MNAT1: variants seen among roughly 807,000 people sequenced by gnomAD.
MNAT1 encodes the protein MNAT1 component of CDK activating kinase.
MNAT1 carries 43 observed loss-of-function variants against 42.0 expected under a neutral mutation model. The ratio of observed to expected loss-of-function variants is 1.02; its 90% CI spans 0.80 to 1.32. MNAT1 has a LOEUF of 1.32. MNAT1 is among the 40% of genes most tolerant of loss of function. MNAT1 has a pLI of 0.00. For missense variants in MNAT1, 306 were observed against 350.4 expected, an observed-to-expected ratio of 0.87 and a Z score of 1.01; for synonymous variants, 118 against 120.0, an observed-to-expected ratio of 0.98 and a Z score of 0.11.
intron 7 of MNAT1, among the ~76,000 whole-genome samples, chr14:60,923,439 T>C (rs1427264760): frequency 6.6e-6 from 1 of 152,240 alleles, no homozygotes; most frequent in Non-Finnish European, 1.5e-5. Flanking sequence ...CAAAAATGCT[T>C]CTGTTACATT....
At chr14:60,742,871 ATACTAC>A in intron 1 of MNAT1, among the ~76,000 whole-genome samples, 1 of 152,360 alleles carries the variant, frequency 6.6e-6, no homozygotes, top group Middle Eastern at 3.4e-3. Flanking sequence ...TTGTATGGCT[ATACTAC>A]ATTTTATCCA....
chr14:60,907,592 C>T (rs951282034), intron 7 of MNAT1, among the ~76,000 whole-genome samples: 3 of 151,630 alleles, frequency 2.0e-5, no homozygotes, highest in African/African-American at 4.8e-5. Flanking sequence ...ACCAGCCTGA[C>T]CAGCATGGAA....
intron 1 of MNAT1, among the ~76,000 whole-genome samples, chr14:60,750,176 T>G (rs1439849055): frequency 6.6e-6 from 1 of 152,084 alleles, no homozygotes; most frequent in Non-Finnish European, 1.5e-5. Flanking sequence ...ATTACTTTTA[T>G]AGTGTCTTAG....
intron 7 of MNAT1, among the ~76,000 whole-genome samples, chr14:60,940,331 T>C (rs1452639116): frequency 6.6e-6 from 1 of 152,270 alleles, no homozygotes; most frequent in African/African-American, 2.4e-5. Context: ...CTAGCCTCGA[T>C]GGTCTTTACA....
intron 2 of MNAT1, among the ~76,000 whole-genome samples, chr14:60,797,455 A>G (rs1362247449): frequency 3.3e-5 from 5 of 152,142 alleles, no homozygotes; most frequent in African/African-American, 4.8e-5. Flanking sequence ...ATAATTTCCA[A>G]TGTTATGTCT....
intron 4 of MNAT1, among the ~76,000 whole-genome samples, chr14:60,811,739 G>A (rs564799661): frequency 2.0e-4 from 31 of 152,162 alleles, no homozygotes; most frequent in African/African-American, 6.7e-4. Flanking sequence ...CCCTTAATAT[G>A]TTCCCAGTGG....
intron 6 of MNAT1, among the ~76,000 whole-genome samples, chr14:60,872,865 C>CATAT (rs931808155): frequency 1.4e-5 from 2 of 147,112 alleles, no homozygotes; most frequent in Admixed American, 6.7e-5. Flanking sequence ...CACACACACA[C>CATAT]ACACATATAT....
intron 4 of MNAT1, among the ~76,000 whole-genome samples, chr14:60,809,550 T>C (rs1479165766): frequency 6.6e-6 from 1 of 152,138 alleles, no homozygotes. Context: ...GTATTACAGA[T>C]GTGAGCCACC....
At chr14:60,753,215 A>T (rs541226553) in intron 1 of MNAT1, among the ~76,000 whole-genome samples, 15 of 152,198 alleles carry the variant, frequency 9.9e-5, no homozygotes, top group Non-Finnish European at 1.9e-4. Flanking sequence ...ATGAGATTGC[A>T]ATCAAGTTTC....
intron 1 of MNAT1, among the ~76,000 whole-genome samples, chr14:60,776,743 A>C (rs771617239): frequency 3.3e-5 from 5 of 152,210 alleles, no homozygotes; most frequent in Non-Finnish European, 7.3e-5. Context: ...TGGGGAGGAC[A>C]TGAGAATACA....
intron 6 of MNAT1, among the ~76,000 whole-genome samples, chr14:60,839,394 C>A (rs1411371749): frequency 2.0e-5 from 3 of 152,200 alleles, no homozygotes; most frequent in Admixed American, 1.3e-4. Context: ...GAGCTACCCC[C>A]TTCCAGTCTC....
At chr14:60,908,358 A>C (rs140769947) in intron 7 of MNAT1, among the ~76,000 whole-genome samples, 1 of 152,098 alleles carries the variant, frequency 6.6e-6, no homozygotes, top group Non-Finnish European at 1.5e-5. Context: ...TTTACGGTAT[A>C]TGTGTACAAC....
At chr14:60,789,804 C>T (rs2031761433) in intron 1 of MNAT1, among the ~76,000 whole-genome samples, 1 of 152,102 alleles carries the variant, frequency 6.6e-6, no homozygotes, top group Non-Finnish European at 1.5e-5. Flanking sequence ...AGAAAATGTT[C>T]TTGGCTTAGA....
Position 60,897,062 on chromosome 14 carries a change from T to A in MNAT1, c.809+17227T>A, listed in dbSNP as rs558651908. Among the ~76,000 whole-genome samples the A allele has an allele frequency of 1.5e-4, 23 of 152,292 alleles. No homozygotes were observed. The South Asian group carries it at 4.6e-3, about 30-fold the overall frequency. On this transcript the variant is annotated intron_variant, in intron 7 of 7. Coordinates refer to ENST00000261245, the MANE Select transcript of MNAT1 (RefSeq NM_002431.4). ...CATTTATAATTTATATCCGCATGAT[T>A]TTTTGTAAATTTTGGTTTGGATTCT...
At chr14:60,879,684 A>G (rs986017012) in intron 6 of MNAT1, 30 bp from the exon 7 acceptor site, 2 of 1,573,928 alleles carry the variant, frequency 1.3e-6, no homozygotes, top group Non-Finnish European at 1.7e-6. Flanking sequence ...TAATAATAAG[A>G]GGTATTAAGT....
chr14:60,801,558 A>G (rs541253921), intron 3 of MNAT1, among the ~76,000 whole-genome samples: 9 of 152,348 alleles, frequency 5.9e-5, no homozygotes, highest in East Asian at 5.8e-4. Context: ...AAAAGAAGAC[A>G]TACGTATGGT....
chr14:60,909,466 AT>A (rs2035294585), intron 7 of MNAT1, among the ~76,000 whole-genome samples: 1 of 152,118 alleles, frequency 6.6e-6, no homozygotes, highest in South Asian at 2.1e-4. Context: ...GATCTAACAT[AT>A]AAGTCTTTAA....
At chr14:60,840,979 T>G (rs1167472181) in intron 6 of MNAT1, among the ~76,000 whole-genome samples, 4 of 152,196 alleles carry the variant, frequency 2.6e-5, no homozygotes, top group Non-Finnish European at 5.9e-5. Context: ...TTTTTAAAAA[T>G]TGCTCAGAGT....
At chr14:60,800,402 G>T (rs1330518202) in intron 3 of MNAT1, among the ~76,000 whole-genome samples, 1 of 152,008 alleles carries the variant, frequency 6.6e-6, no homozygotes, top group East Asian at 1.9e-4. Flanking sequence ...AAAGTAGCTG[G>T]GTGTAGTGGC....
Sources: allele counts gnomAD v4.1 joint callset (sites outside exome capture counted in the v4.1 genomes callset), GRCh38; gene constraint gnomAD v4.1.1; transcripts MANE v1.5; gene names NCBI Gene and HGNC (gene_info 2026-07-23, HGNC 2026-07-21).